Variants in MAML3 observed in about 807,000 individuals in gnomAD.
MAML3 encodes mastermind-like protein 3.
A neutral mutation model predicts 101.9 loss-of-function variants in MAML3; 27 were observed. The ratio of observed to expected loss-of-function variants is 0.27; its 90% CI spans 0.20 to 0.37. MAML3 has a LOEUF of 0.37. Ranked by LOEUF, MAML3 falls within the 10% of genes least tolerant of loss-of-function variation. The probability of loss-of-function intolerance (pLI) is 1.00; values close to 1 mark genes in which losing one functional copy is unlikely to be tolerated. For synonymous variants in MAML3, 501 were observed against 555.9 expected (o/e 0.90, Z 1.39); for missense variants, 1,316 against 1,444.9 (o/e 0.91, Z 1.45).
intron 1 of MAML3, among the ~76,000 whole-genome samples, chr4:140,074,939 T>C (rs1486156995): frequency 6.6e-6 from 1 of 152,216 alleles, no homozygotes; most frequent in African/African-American, 2.4e-5. Context: ...GTGTTTAGAA[T>C]TGGGTCCCAG....
At chr4:140,058,190 T>C (rs924624317) in intron 1 of MAML3, among the ~76,000 whole-genome samples, 4 of 152,146 alleles carry the variant, frequency 2.6e-5, no homozygotes, top group Non-Finnish European at 2.9e-5. Context: ...AAAAATTGCA[T>C]GACTCTTTCA....
At chr4:139,927,666 T>C (rs185028799) in intron 1 of MAML3, among the ~76,000 whole-genome samples, 247 of 152,368 alleles carry the variant, frequency 1.6e-3, no homozygotes, top group Admixed American at 2.5e-3. Flanking sequence ...CTTCTGGCTA[T>C]TACGTTATTC....
At chr4:140,053,141 C>T (rs1051211032) in intron 1 of MAML3, among the ~76,000 whole-genome samples, 14 of 152,030 alleles carry the variant, frequency 9.2e-5, no homozygotes, top group African/African-American at 2.7e-4. Context: ...ATTCCTCAGA[C>T]GGTAATATGA....
chr4:139,738,005 C>T (rs1579378311), intron 2 of MAML3, among the ~76,000 whole-genome samples: 1 of 152,348 alleles, frequency 6.6e-6, no homozygotes, highest in East Asian at 1.9e-4. Flanking sequence ...GCGAAGGCTG[C>T]TAAATGGGTC....
At chr4:139,850,935 C>T (rs1731536982) in intron 2 of MAML3, among the ~76,000 whole-genome samples, 1 of 151,400 alleles carries the variant, frequency 6.6e-6, no homozygotes, top group Non-Finnish European at 1.5e-5. Flanking sequence ...GAGCCCTCTA[C>T]CAAAATGTAA....
intron 2 of MAML3, among the ~76,000 whole-genome samples, chr4:139,776,644 G>A (rs1730102206): frequency 6.6e-6 from 1 of 152,114 alleles, no homozygotes; most frequent in South Asian, 2.1e-4. Context: ...GCAGATACGC[G>A]CAAAATGGTG....
At position 139,717,246 on chromosome 4, in the gene MAML3, T is replaced by G. The variant is rs1228217875; in HGVS notation, c.*2077A>C. ...GCATTTGGAGGAAGCTTTTAAAAGA[T>G]AATGGAGCCCCCCACCCCTGTCTGT... is the stretch of plus-strand genomic sequence containing the variant. On this transcript the variant is annotated 3_prime_UTR_variant, in exon 5 of 5. Transcript: ENST00000509479. 2 of 150,712 alleles carry G rather than the reference T, an allele frequency of 1.3e-5. No individual in the cohort carries two copies. The highest frequency in any genetic ancestry group is 3.0e-5 in the Non-Finnish European group (2 of 67,424). 9.3% of individuals were successfully genotyped at this position (150,712 alleles called of 1,614,324 possible).
At chr4:139,776,722 G>C (rs1373642032) in intron 2 of MAML3, among the ~76,000 whole-genome samples, 1 of 152,214 alleles carries the variant, frequency 6.6e-6, no homozygotes, top group Non-Finnish European at 1.5e-5. Context: ...AGAAGCCAGG[G>C]GCAGAGGTCA....
At chr4:139,872,819 T>C (rs1031471114) in intron 2 of MAML3, among the ~76,000 whole-genome samples, 2 of 152,132 alleles carry the variant, frequency 1.3e-5, no homozygotes, top group Non-Finnish European at 2.9e-5. Flanking sequence ...GGTTCATGCC[T>C]GTAATCCCAG....
chr4:139,946,926 C>CACA, intron 1 of MAML3, among the ~76,000 whole-genome samples: 1 of 51,148 alleles, frequency 2.0e-5, no homozygotes, highest in Non-Finnish European at 4.1e-5. Flanking sequence ...CACACACACA[C>CACA]TCTCTCTCTC....
chr4:139,788,466 T>C (rs1730345519), intron 2 of MAML3, among the ~76,000 whole-genome samples: 1 of 152,204 alleles, frequency 6.6e-6, no homozygotes, highest in African/African-American at 2.4e-5. Flanking sequence ...CTCCTCGCTG[T>C]CTCCAATCTC....
chr4:140,063,254 T>C (rs1331290765), intron 1 of MAML3, among the ~76,000 whole-genome samples: 1 of 152,036 alleles, frequency 6.6e-6, no homozygotes, highest in African/African-American at 2.4e-5. Flanking sequence ...AGGCCGGAAC[T>C]CAAAACTTAG....
intron 1 of MAML3, among the ~76,000 whole-genome samples, chr4:139,908,393 G>A (rs1313544653): frequency 4.6e-5 from 7 of 152,086 alleles, no homozygotes; most frequent in African/African-American, 1.7e-4. Flanking sequence ...CTTGGCTAAG[G>A]GCCAATTGAA....
chr4:139,994,641 C>T (rs1734767547), intron 1 of MAML3, among the ~76,000 whole-genome samples: 1 of 152,036 alleles, frequency 6.6e-6, no homozygotes, highest in Non-Finnish European at 1.5e-5. Flanking sequence ...GCCTGGGCAA[C>T]AGAGAGACAC....
At chr4:139,887,049 A>C (rs1350120781) in intron 2 of MAML3, among the ~76,000 whole-genome samples, 1 of 152,242 alleles carries the variant, frequency 6.6e-6, no homozygotes, top group African/African-American at 2.4e-5. Flanking sequence ...CACTAGCAAT[A>C]GCAGAAAACG....
chr4:139,796,529 C>A (rs923800794), intron 2 of MAML3, among the ~76,000 whole-genome samples: 5 of 152,150 alleles, frequency 3.3e-5, no homozygotes, highest in African/African-American at 1.2e-4. Flanking sequence ...GGCTAGAGTA[C>A]CCTATCAGAG....
chr4:140,016,775 C>A (rs1463887487), intron 1 of MAML3, among the ~76,000 whole-genome samples: 1 of 152,202 alleles, frequency 6.6e-6, no homozygotes, highest in Non-Finnish European at 1.5e-5. Context: ...AAATACCCAC[C>A]TTTACCTAAA....
At chr4:140,114,468 G>A (rs1480527066) in intron 1 of MAML3, among the ~76,000 whole-genome samples, 1 of 152,200 alleles carries the variant, frequency 6.6e-6, no homozygotes, top group Non-Finnish European at 1.5e-5. Context: ...ATATTATTGG[G>A]TTTTTAAATT....
intron 2 of MAML3, among the ~76,000 whole-genome samples, chr4:139,886,176 G>A (rs1732335440): frequency 6.6e-6 from 1 of 151,796 alleles, no homozygotes; most frequent in South Asian, 2.1e-4. Context: ...GCAGGTTTTA[G>A]GACTACTCAC....
Sources: allele counts gnomAD v4.1 joint callset (sites outside exome capture counted in the v4.1 genomes callset), GRCh38; gene constraint gnomAD v4.1.1; transcripts MANE v1.5; gene names NCBI Gene and HGNC (gene_info 2026-07-23, HGNC 2026-07-21).